Variants in RAD54L2 observed in about 807,000 individuals in gnomAD.
The protein encoded by RAD54L2 is RAD54 like 2.
A neutral mutation model predicts 138.4 loss-of-function variants in RAD54L2; 27 were observed. That is an observed-to-expected ratio of 0.20 (90% confidence interval 0.14 to 0.27). The LOEUF (loss-of-function observed/expected upper bound fraction) is 0.27, where lower values mean the gene tolerates loss of function less well. RAD54L2 is among the 10% of genes least tolerant of loss of function. RAD54L2 has a pLI of 1.00. For synonymous variants in RAD54L2, 644 were observed against 723.2 expected, an observed-to-expected ratio of 0.89 and a Z score of 1.76; for missense variants, 1,396 against 1,890.2, an observed-to-expected ratio of 0.74 and a Z score of 4.85.
At chr3:51,636,630 C>T (rs1365109271) in intron 10 of RAD54L2, among the ~76,000 whole-genome samples, 6 of 152,108 alleles carry the variant, frequency 3.9e-5, no homozygotes, top group Non-Finnish European at 7.4e-5. Context: ...TTATACTTTT[C>T]ACATAAAGAA....
intron 2 of RAD54L2, among the ~76,000 whole-genome samples, chr3:51,579,869 C>T (rs151308185): frequency 1.8e-4 from 27 of 152,292 alleles, no homozygotes; most frequent in African/African-American, 5.8e-4. Flanking sequence ...CTTTCTGTTG[C>T]ATTTTGCAGA....
intron 2 of RAD54L2, among the ~76,000 whole-genome samples, chr3:51,585,474 T>G (rs1699690160): frequency 6.6e-6 from 1 of 152,202 alleles, no homozygotes; most frequent in Non-Finnish European, 1.5e-5. Flanking sequence ...TTTGTTTGTG[T>G]GTGTGTTTCC....
intron 2 of RAD54L2, among the ~76,000 whole-genome samples, chr3:51,586,002 C>T (rs1393820459): frequency 6.6e-6 from 1 of 152,040 alleles, no homozygotes; most frequent in Non-Finnish European, 1.5e-5. Context: ...GGATTATTTT[C>T]TTTATCACCA....
At chr3:51,582,834 C>T (rs976857532) in intron 2 of RAD54L2, among the ~76,000 whole-genome samples, 3 of 151,720 alleles carry the variant, frequency 2.0e-5, no homozygotes, top group Non-Finnish European at 2.9e-5. Flanking sequence ...GGCGCAATCT[C>T]GGCTCACTGC....
At chr3:51,548,896 C>T (rs782319891) in intron 2 of RAD54L2, among the ~76,000 whole-genome samples, 46 of 147,450 alleles carry the variant, frequency 3.1e-4, no homozygotes, top group Admixed American at 7.1e-4. Context: ...GCGCCATCTC[C>T]GCTCACTGCA....
At chr3:51,611,847 C>T (rs1003661795) in intron 3 of RAD54L2, among the ~76,000 whole-genome samples, 5 of 152,044 alleles carry the variant, frequency 3.3e-5, no homozygotes, top group Admixed American at 2.0e-4. Context: ...TGAGCCACCG[C>T]GCCTGGCCTA....
chr3:51,648,320 T>C (rs1415445193), intron 19 of RAD54L2, among the ~76,000 whole-genome samples: 3 of 152,188 alleles, frequency 2.0e-5, no homozygotes, highest in Non-Finnish European at 4.4e-5. Context: ...GAGCCCACTG[T>C]AGCTCAACCA....
Position 51,666,174 on chromosome 3 carries a change from CTTTTTTTTTTTTTTTTTTTTTT to C in RAD54L2, c.*2768_*2789del, listed in dbSNP as rs1169939947. 1.4e-4 allele frequency: 8 copies of C among 58,708 alleles called. No individual in the cohort carries two copies. Among genetic ancestry groups the C allele is most frequent in the South Asian group, 1.3e-3 (2 of 1,514 alleles). The allele number at this position is 58,708 out of a possible 1,614,324, so 3.6% of individuals were successfully genotyped here. A position where few individuals can be genotyped will look rare whatever the true frequency, so the allele number is the denominator to read the frequency against. ...AGTGCTACCAGGTCCATGGTTTTTG[CTTTTTTTTTTTTTTTTTTTTTT>C]TTTTTTTTTTTTTAAAGAAAATAAC... is the stretch of plus-strand genomic sequence containing the variant. On this transcript the variant is annotated 3_prime_UTR_variant, in exon 23 of 23. Transcript: ENST00000684192.
chr3:51,583,164 A>G (rs919998454), intron 2 of RAD54L2, among the ~76,000 whole-genome samples: 3 of 152,210 alleles, frequency 2.0e-5, no homozygotes, highest in African/African-American at 4.8e-5. Flanking sequence ...GGAAGAGTAG[A>G]ATTGTTTTAC....
intron 2 of RAD54L2, among the ~76,000 whole-genome samples, chr3:51,582,831 T>G (rs1158384561): frequency 6.6e-6 from 1 of 151,710 alleles, no homozygotes; most frequent in Non-Finnish European, 1.5e-5. Context: ...AGTGGCGCAA[T>G]CTCGGCTCAC....
At chr3:51,632,181 T>G (rs1404983864) in intron 7 of RAD54L2, among the ~76,000 whole-genome samples, 1 of 152,244 alleles carries the variant, frequency 6.6e-6, no homozygotes. Context: ...CTGAATAATA[T>G]TCCATTGTGC....
In RAD54L2 at chr3:51,663,445, T is replaced by A. The variant is rs777752329; in HGVS notation, c.*25T>A. On this transcript the variant is annotated 3_prime_UTR_variant, in exon 23 of 23. Coordinates refer to ENST00000684192, the MANE Select transcript of RAD54L2 (RefSeq NM_015106.4). ...GCTAGGGAGCCCCTCCCCACCTCAC[T>A]TGGGGCCCCCAGCAGGTTGCCCACC... is the stretch of plus-strand genomic sequence containing the variant. The A allele has an allele frequency of 6.3e-7, 1 of 1,597,714 alleles. No homozygotes were observed. The highest frequency in any genetic ancestry group is 8.5e-7 in the Non-Finnish European group (1 of 1,169,632).
At chr3:51,623,151 T>C (rs935746372) in intron 3 of RAD54L2, among the ~76,000 whole-genome samples, 1 of 152,208 alleles carries the variant, frequency 6.6e-6, no homozygotes, top group African/African-American at 2.4e-5. Context: ...TTTGTAGTAG[T>C]CTCACGTGGA....
At chr3:51,580,797 G>C (rs1418045289) in intron 2 of RAD54L2, among the ~76,000 whole-genome samples, 1 of 152,170 alleles carries the variant, frequency 6.6e-6, no homozygotes, top group African/African-American at 2.4e-5. Flanking sequence ...AGAGCCAAAA[G>C]AGTTTACTCC....
At position 51,590,489 on chromosome 3, in the gene RAD54L2, AGAGGAG is replaced by A. The variant is rs757041129; in HGVS notation, c.86_91del (p.Glu29_Glu30del). On this transcript the variant is annotated inframe_deletion, in exon 3 of 23. Coordinates refer to ENST00000684192, the MANE Select transcript of RAD54L2 (RefSeq NM_015106.4). Reference sequence around the variant, plus strand: ...CGGACGTGGAGCTGGAGGATGCGGAAGAGGAGGAGGAGGAGGAGGAGGTGGCAGTGG... The same window carrying A: ...CGGACGTGGAGCTGGAGGATGCGGAAGAGGAGGAGGAGGAGGTGGCAGTGG... 21 of 1,550,638 alleles carry A rather than the reference AGAGGAG, an allele frequency of 1.4e-5. No individual in the cohort carries two copies. The highest frequency in any genetic ancestry group is 5.5e-5 in the African/African-American group (4 of 72,944).
At chr3:51,625,552 G>A (rs1300008900) in intron 3 of RAD54L2, among the ~76,000 whole-genome samples, 2 of 152,106 alleles carry the variant, frequency 1.3e-5, no homozygotes, top group Non-Finnish European at 2.9e-5. Flanking sequence ...AAGACCCACC[G>A]ATGAACATTA....
intron 3 of RAD54L2, chr3:51,611,610 G>C (rs1700332724): frequency 6.6e-6 from 1 of 151,284 alleles, no homozygotes. Context: ...GCCCAGGCTG[G>C]AGTGCAGTGG....
rs768168528 is a variant in RAD54L2 at position 51,646,421 on chromosome 3, A to C, written c.2966A>C (p.Gln989Pro). ...SVPYTRPSYA[Q>P]YYPASDQSLT... ...CCCTATACCCGCCCATCGTATGCGCAGTATTACCCTGCCAGCGATCAGAGC... is the reference window on the plus strand; with the variant it reads ...CCCTATACCCGCCCATCGTATGCGCCGTATTACCCTGCCAGCGATCAGAGC... The change falls in exon 19 of 23, where the codon CAG becomes CCG. Residue 989 changes from glutamine to proline, a missense_variant. Gln to Pro is a moderately conservative substitution (Grantham distance 76). Coordinates refer to ENST00000684192, the MANE Select transcript of RAD54L2 (RefSeq NM_015106.4). 6.2e-7 allele frequency: 1 copy of C among 1,613,878 alleles called. No individual in the cohort carries two copies. The highest frequency in any genetic ancestry group is 1.7e-5 in the Admixed American group (1 of 59,994).
chr3:51,639,641 C>G lies in RAD54L2; in HGVS notation c.2083C>G (p.Arg695Gly). ...QGVGFNPFQE[R>G]GNNIVTYEWA... ...CGTTGGCTTCAACCCTTTCCAGGAG[C>G]GAGGCAACAACATTGTCACATATGA... Residue 695 changes from arginine to glycine, a missense_variant, in exon 13 of 23, where the codon CGA (arginine) becomes GGA (glycine). Physicochemically the swap from Arg to Gly is moderately radical, Grantham distance 125 (BLOSUM62 -2). This residue lies in a region of RAD54L2 where 211 missense variants were observed against 273.8 expected (regional missense o/e 0.77). Transcript: ENST00000684192. The G allele has an allele frequency of 1.2e-6, 2 of 1,613,708 alleles. No individual in the cohort carries two copies. The highest frequency in any genetic ancestry group is 1.7e-6 in the Non-Finnish European group (2 of 1,179,806).
Sources: allele counts gnomAD v4.1 joint callset (sites outside exome capture counted in the v4.1 genomes callset), GRCh38; gene constraint gnomAD v4.1.1; regional missense constraint gnomAD v4.1.1; transcripts MANE v1.5; gene names NCBI Gene and HGNC (gene_info 2026-07-23, HGNC 2026-07-21).